Variants in TXNRD2 observed in about 807,000 individuals in gnomAD.
The protein encoded by TXNRD2 is thioredoxin reductase 2, mitochondrial.
A neutral mutation model predicts 70.8 loss-of-function variants in TXNRD2; 67 were observed. The ratio of observed to expected loss-of-function variants is 0.95; its 90% confidence interval spans 0.78 to 1.16. The LOEUF (loss-of-function observed/expected upper bound fraction) is 1.16, where lower values mean the gene tolerates loss of function less well. Ranked by LOEUF, TXNRD2 falls within the 50% of genes most tolerant of loss-of-function variation. TXNRD2 has a pLI of 0.00. For missense variants in TXNRD2, 644 were observed against 719.9 expected (o/e 0.89, Z 1.21); for synonymous variants, 301 against 295.8 (o/e 1.02, Z -0.18).
At chr22:19,894,912 C>T (rs1468161649) in intron 11 of TXNRD2, 11 of 1,128,060 alleles carry the variant, frequency 9.8e-6, no homozygotes, top group South Asian at 6.6e-5. Context: ...CGCTTGAACC[C>T]GGGAGGCGGA....
Position 19,924,686 on chromosome 22 carries a change from T to C in TXNRD2, c.173-5087A>G, listed in dbSNP as rs377617284. On this transcript the variant is annotated intron_variant, in intron 2 of 17. Coordinates refer to ENST00000400521, the MANE Select transcript of TXNRD2 (RefSeq NM_006440.5). ...GGTCAGATGTTGCAGAATCTTTTAT[T>C]GGTGGGTTTGAAAACATAGGAATAG... 3.3e-5 allele frequency among the ~76,000 whole-genome samples: 5 copies of C among 152,250 alleles called. No individual in the cohort carries two copies. In the East Asian group the frequency reaches 5.8e-4, roughly 18 times the overall value.
At chr22:19,908,360 G>A (rs771992239) in intron 8 of TXNRD2, among the ~76,000 whole-genome samples, 2 of 152,090 alleles carry the variant, frequency 1.3e-5, no homozygotes, top group African/African-American at 2.4e-5. Flanking sequence ...GTGTTAAGAC[G>A]GAAGGGCAGC....
rs1939594388 is a variant in TXNRD2 at position 19,898,060 on chromosome 22, G to T, written c.753C>A (p.Ile251=). The T allele has an allele frequency of 6.4e-7, 1 of 1,560,812 alleles. No individual in the cohort carries two copies. Among genetic ancestry groups the T allele is most frequent in the Non-Finnish European group, 8.7e-7 (1 of 1,152,918 alleles). ...GLDTTIMMRS[I]PLRGFDQQMS... is the part of the protein sequence containing the mutation. Reference sequence around the variant, plus strand: ...CTACCTGGTCGAAGCCGCGGAGGGGGATGCTGCGCATCATGATGGTGGTGT... The same window carrying T: ...CTACCTGGTCGAAGCCGCGGAGGGGTATGCTGCGCATCATGATGGTGGTGT... Residue 251 remains isoleucine, a synonymous_variant, in exon 10 of 18, where the codon ATC becomes ATA. Coordinates refer to ENST00000400521, the MANE Select transcript of TXNRD2 (RefSeq NM_006440.5).
intron 1 of TXNRD2, among the ~76,000 whole-genome samples, chr22:19,939,875 T>A (rs962253558): frequency 2.6e-5 from 4 of 152,208 alleles, no homozygotes; most frequent in Middle Eastern, 6.8e-3. Flanking sequence ...AGGAAAACCA[T>A]ATCCTAAAAA....
At chr22:19,897,963 T>G in intron 10 of TXNRD2, 76 bp downstream of exon 10, 1 of 1,256,716 alleles carries the variant, frequency 8.0e-7, no homozygotes, top group Admixed American at 2.0e-5. Context: ...ATGACTGCAC[T>G]GCACCTGCCT....
At chr22:19,910,899 A>G in intron 8 of TXNRD2, 1 of 273,136 alleles carries the variant, frequency 3.7e-6, no homozygotes, top group Non-Finnish European at 7.1e-6. Flanking sequence ...AGATGGTGAA[A>G]CCCCATTTCT....
At chr22:19,930,782 T>C (rs1268873033) in intron 2 of TXNRD2, among the ~76,000 whole-genome samples, 2 of 151,876 alleles carry the variant, frequency 1.3e-5, no homozygotes, top group African/African-American at 2.4e-5. Flanking sequence ...GCTGTCACTG[T>C]GAGTAAAGCA....
At chr22:19,878,892 C>T (rs543756024) in intron 14 of TXNRD2, among the ~76,000 whole-genome samples, 63 of 152,332 alleles carry the variant, frequency 4.1e-4, no homozygotes, top group African/African-American at 1.4e-3. Context: ...ACACCGGAGC[C>T]GGAGCTGTTG....
intron 2 of TXNRD2, among the ~76,000 whole-genome samples, chr22:19,930,488 G>A (rs546349339): frequency 2.6e-5 from 4 of 152,278 alleles, no homozygotes; most frequent in East Asian, 1.9e-4. Flanking sequence ...GGTCCAGCCC[G>A]TTCGCCCAAC....
intron 2 of TXNRD2, among the ~76,000 whole-genome samples, chr22:19,920,985 T>C (rs567015254): frequency 6.8e-4 from 102 of 149,854 alleles, no homozygotes; most frequent in Non-Finnish European, 1.3e-3. Flanking sequence ...CAGGTGCCTA[T>C]AGTCCCAGTT....
In TXNRD2 at chr22:19,890,380, T is replaced by C. The variant is rs1232610095; in HGVS notation, c.949+5027A>G. ...ACTAAAATAAAAAGGTGTTAGACTA[T>C]CAAAGAGGGGCCTCCGATCCGTGTC... On this transcript the variant is annotated intron_variant, in intron 11 of 17. Coordinates refer to ENST00000400521, the MANE Select transcript of TXNRD2 (RefSeq NM_006440.5). Among the ~76,000 whole-genome samples the C allele has an allele frequency of 2.6e-5, 4 of 152,168 alleles. No homozygotes were observed. The East Asian group carries it at 7.7e-4, about 29-fold the overall frequency.
intron 16 of TXNRD2, 44 bp from the exon 17 acceptor site, chr22:19,877,278 A>T: frequency 2.3e-5 from 34 of 1,459,714 alleles, no homozygotes; most frequent in Non-Finnish European, 3.0e-5. Context: ...CAGCACAGGG[A>T]GGGGGGTCCA....
intron 1 of TXNRD2, among the ~76,000 whole-genome samples, chr22:19,934,048 G>C (rs1029645983): frequency 2.0e-5 from 3 of 152,246 alleles, no homozygotes; most frequent in African/African-American, 4.8e-5. Context: ...AGGGCAAGTG[G>C]AAGGGTCCCC....
intron 16 of TXNRD2, 26 bp from the exon 17 acceptor site, chr22:19,877,260 G>C: frequency 6.2e-7 from 1 of 1,603,924 alleles, no homozygotes; most frequent in Non-Finnish European, 8.5e-7. Flanking sequence ...GGGGGAGGCA[G>C]GCGGGGTCAG....
At chr22:19,893,182 C>A (rs988435251) in intron 11 of TXNRD2, among the ~76,000 whole-genome samples, 1 of 152,202 alleles carries the variant, frequency 6.6e-6, no homozygotes, top group Non-Finnish European at 1.5e-5. Flanking sequence ...TGACCCCTGG[C>A]CAGCCCCACG....
At chr22:19,925,046 A>AG (rs1267679419) in intron 2 of TXNRD2, among the ~76,000 whole-genome samples, 21 of 151,474 alleles carry the variant, frequency 1.4e-4, no homozygotes, top group Non-Finnish European at 2.5e-4. Context: ...GCACTTTGGG[A>AG]GGCCAAGGGG....
intron 1 of TXNRD2, among the ~76,000 whole-genome samples, chr22:19,932,054 GGGA>G (rs1169126876): frequency 6.6e-6 from 1 of 151,216 alleles, no homozygotes; most frequent in Non-Finnish European, 1.5e-5. Context: ...CCAGCTACTC[GGGA>G]GGCTGAGGCA....
At chr22:19,903,555 C>T (rs145093916) in intron 8 of TXNRD2, among the ~76,000 whole-genome samples, 99 of 152,342 alleles carry the variant, frequency 6.5e-4, no homozygotes, top group Admixed American at 1.8e-3. Context: ...CTGCCGGGTG[C>T]GGAGGCTTCC....
chr22:19,909,871 C>CACTCACACACACAACCACACACACCGT (rs749550230), intron 8 of TXNRD2, among the ~76,000 whole-genome samples: 3 of 55,654 alleles, frequency 5.4e-5, no homozygotes, highest in Non-Finnish European at 9.6e-5. Context: ...ACACACACAC[C>CACTCACACACACAACCACACACACCGT]ACTCACACAC....
Sources: gnomAD v4.1 joint callset for allele counts (sites outside exome capture counted in the v4.1 genomes callset) on GRCh38, gnomAD v4.1.1 for gene constraint, MANE v1.5 for transcripts, NCBI Gene and HGNC (gene_info 2026-07-23, HGNC 2026-07-21) for gene names.